Variants in HM13 observed in about 807,000 individuals in gnomAD.
HM13 encodes histocompatibility minor 13, also known as signal peptide peptidase.
HM13 carries 18 observed loss-of-function variants against 50.0 expected under a neutral mutation model. The observed-to-expected ratio is 0.36, with a 90% CI of 0.25 to 0.53. The LOEUF (loss-of-function observed/expected upper bound fraction) is 0.53, where lower values mean the gene tolerates loss of function less well. Among genes scored for constraint, HM13 ranks in the 20% least tolerant of loss-of-function variants. HM13 has a pLI of 0.90. For synonymous variants in HM13, 197 were observed against 232.6 expected (o/e 0.85, Z 1.39); for missense variants, 393 against 552.4 (o/e 0.71, Z 2.89).
chr20:31,523,060 T>A (rs1236389659), intron 1 of HM13, among the ~76,000 whole-genome samples: 1 of 151,372 alleles, frequency 6.6e-6, no homozygotes, highest in Non-Finnish European at 1.5e-5. Context: ...GGGGCTTTTT[T>A]TTTTTTATGA....
intron 1 of HM13, among the ~76,000 whole-genome samples, chr20:31,517,111 A>G (rs1244758105): frequency 2.6e-5 from 4 of 152,144 alleles, no homozygotes; most frequent in Admixed American, 2.6e-4. Context: ...TTCCCTGGTC[A>G]TGTGAAAAGG....
intron 3 of HM13, among the ~76,000 whole-genome samples, chr20:31,544,088 G>A (rs1204306479): frequency 6.6e-6 from 1 of 152,192 alleles, no homozygotes; most frequent in Non-Finnish European, 1.5e-5. Context: ...AGATGGTATT[G>A]TTAGCCCTGT....
rs893592577 is a variant in HM13 at position 31,538,097 on chromosome 20, C to G, written c.283-82C>G. On this transcript the variant is annotated intron_variant, in intron 2 of 12. Transcript: ENST00000398174. ...GACTCAAGAAGGGTGAGACCAACCT[C>G]CAGAAGAGACGCAGGGACTCTGGTT... 1.7e-5 allele frequency: 26 copies of G among 1,557,824 alleles called. No homozygotes were observed. In the South Asian group the frequency reaches 2.5e-4, roughly 15 times the overall value.
chr20:31,548,192 T>G lies in HM13; in HGVS notation c.455-837T>G, dbSNP rs983983290. 4 of 679,328 alleles carry G rather than the reference T, an allele frequency of 5.9e-6. No homozygotes were observed. The African/African-American group carries it at 7.2e-5, about 12-fold the overall frequency. 42.1% of individuals were successfully genotyped at this position (679,328 alleles called of 1,614,324 possible). ...TAACAGATACTTTATAGAAAACAAA[T>G]CAGGGTGCTCTTACCACAGATGAAA... On this transcript the variant is annotated intron_variant, in intron 4 of 12. Transcript: ENST00000398174.
At chr20:31,525,562 C>G (rs1203950718) in intron 1 of HM13, among the ~76,000 whole-genome samples, 2 of 152,060 alleles carry the variant, frequency 1.3e-5, no homozygotes, top group Non-Finnish European at 2.9e-5. Context: ...TCTGGCATTG[C>G]TAGGACTTTT....
rs541075667 is a variant in HM13 at position 31,550,614 on chromosome 20, A to G, written c.724+493A>G. 37 of 155,044 alleles carry G rather than the reference A, an allele frequency of 2.4e-4. No individual in the cohort carries two copies. The South Asian group carries it at 7.2e-3, about 30-fold the overall frequency. The allele number at this position is 155,044 out of a possible 1,614,324, so 9.6% of individuals were successfully genotyped here. A position where few individuals can be genotyped will look rare whatever the true frequency, so the allele number is the denominator to read the frequency against. The stretch of plus-strand genomic sequence containing the variant: ...AATCTGAAATCCAGAATGTTCCAAG[A>G]CCCAAAAGTTTTTGAGCACTGACAT... On this transcript the variant is annotated intron_variant, in intron 7 of 12. Coordinates refer to ENST00000398174, the MANE Select transcript of HM13 (RefSeq NM_178581.3).
At chr20:31,552,140 T>C (rs1286296823) in intron 7 of HM13, among the ~76,000 whole-genome samples, 4 of 151,952 alleles carry the variant, frequency 2.6e-5, no homozygotes, top group Non-Finnish European at 5.9e-5. Context: ...TATTCCCCAG[T>C]GCCTTGATGG....
Position 31,524,093 on chromosome 20 carries a change from G to A in HM13, c.184-3391G>A, listed in dbSNP as rs1568780223. Among the ~76,000 whole-genome samples, 3 of 152,244 alleles carry A rather than the reference G, an allele frequency of 2.0e-5. No homozygotes were observed. The South Asian group carries it at 6.2e-4, about 32-fold the overall frequency. ...CTTATTTGCTTTAAGACTCCTATGGGGCTGGGTGTGGTGGTTCACGCCTAT... is the reference window on the plus strand; with the variant it reads ...CTTATTTGCTTTAAGACTCCTATGGAGCTGGGTGTGGTGGTTCACGCCTAT... On this transcript the variant is annotated intron_variant, in intron 1 of 12. Transcript: ENST00000398174.
At chr20:31,533,519 C>A (rs1982937639) in intron 2 of HM13, among the ~76,000 whole-genome samples, 1 of 152,112 alleles carries the variant, frequency 6.6e-6, no homozygotes, top group African/African-American at 2.4e-5. Flanking sequence ...AAAACAACAA[C>A]AAAAAAACTT....
chr20:31,566,339 G>A, intron 11 of HM13, 44 bp downstream of exon 11: 1 of 1,514,682 alleles, frequency 6.6e-7, no homozygotes, highest in Non-Finnish European at 9.2e-7. Flanking sequence ...GCACCAGTGT[G>A]CCTGCTGGCA....
chr20:31,514,565 T>C lies in HM13; in HGVS notation c.14T>C (p.Leu5Pro). 1.2e-6 allele frequency: 2 copies of C among 1,606,600 alleles called. No individual in the cohort carries two copies. Among genetic ancestry groups the C allele is most frequent in the Non-Finnish European group, 1.7e-6 (2 of 1,178,152 alleles). The change falls in exon 1 of 13, where the codon CTC becomes CCC. Residue 5 changes from leucine (L) to proline (P), a missense_variant. By Grantham distance (98) the Leu-to-Pro change is moderately conservative. Coordinates refer to ENST00000398174, the MANE Select transcript of HM13 (RefSeq NM_178581.3). The surrounding 1 kb of genome is among the most constrained non-coding windows in gnomAD (Gnocchi z 4.3). ...CGCACCCTCGCCATGGACTCGGCCC[T>C]CAGCGATCCGCATAACGGCAGTGCC... Reference protein sequence around the residue: MDSALSDPHNGSAEA... With the variant: MDSAPSDPHNGSAEA...
At chr20:31,558,982 G>C (rs192328112) in intron 8 of HM13, among the ~76,000 whole-genome samples, 1 of 152,062 alleles carries the variant, frequency 6.6e-6, no homozygotes, top group African/African-American at 2.4e-5. Flanking sequence ...GCAGTGGCGC[G>C]ATCTTGGCTC....
chr20:31,549,023 G>T lies in HM13; in HGVS notation c.455-6G>T. ...GGGAGTGGACTTACCTGGCCTCTCT[G>T]CTCAGAGATCATCAATTATGAATTT... On this transcript the variant is annotated splice_polypyrimidine_tract_variant and splice_region_variant and intron_variant, in intron 4 of 12. Transcript: ENST00000398174. The T allele has an allele frequency of 6.2e-7, 1 of 1,614,062 alleles. No individual in the cohort carries two copies. The highest frequency in any genetic ancestry group is 1.1e-5 in the South Asian group (1 of 91,082).
rs1217578316 is a variant in HM13, at chr20:31,527,602, T to C, written c.282+20T>C. Reference sequence around the variant, plus strand: ...TTCAAAGTAAGTCTTTTGCCACCTGTTGTGTCATTTGATCTAAATGACTTT... The same window carrying C: ...TTCAAAGTAAGTCTTTTGCCACCTGCTGTGTCATTTGATCTAAATGACTTT... On this transcript the variant is annotated intron_variant, in intron 2 of 12. Coordinates refer to ENST00000398174, the MANE Select transcript of HM13 (RefSeq NM_178581.3). 6.0e-6 allele frequency: 9 copies of C among 1,501,284 alleles called. No homozygotes were observed. The highest frequency in any genetic ancestry group is 8.3e-6 in the Non-Finnish European group (9 of 1,079,094). 93.0% of individuals were successfully genotyped at this position (1,501,284 alleles called of 1,614,324 possible).
chr20:31,554,420 C>T (rs1228852822), intron 7 of HM13, among the ~76,000 whole-genome samples: 2 of 151,728 alleles, frequency 1.3e-5, no homozygotes, highest in South Asian at 2.1e-4. Context: ...CGGTGGCTCA[C>T]GCCTGTAACT....
intron 10 of HM13, chr20:31,563,906 A>G (rs373110762): frequency 6.6e-6 from 1 of 151,802 alleles, no homozygotes; most frequent in African/African-American, 2.4e-5. Flanking sequence ...GAGAAACCCC[A>G]TCTCTACTAA....
intron 8 of HM13, among the ~76,000 whole-genome samples, chr20:31,557,726 T>TC (rs1568797615): frequency 1.3e-5 from 2 of 150,142 alleles, no homozygotes. Flanking sequence ...TTTTTTTTTT[T>TC]TGAGATGGAG....
chr20:31,524,838 C>T (rs1982393678), intron 1 of HM13, among the ~76,000 whole-genome samples: 2 of 151,498 alleles, frequency 1.3e-5, no homozygotes, highest in African/African-American at 2.4e-5. Flanking sequence ...CTCAGCCTCC[C>T]GAGTAGCTGG....
At chr20:31,561,843 C>G in intron 10 of HM13, 107 bp downstream of exon 10, 1 of 771,512 alleles carries the variant, frequency 1.3e-6, no homozygotes, top group African/African-American at 1.7e-5. Flanking sequence ...GCACTCCCCA[C>G]TGGTGTTGGA....
Sources: allele counts gnomAD v4.1 joint callset (sites outside exome capture counted in the v4.1 genomes callset), GRCh38; gene constraint gnomAD v4.1.1; non-coding constraint Gnocchi (gnomAD v3.1); transcripts MANE v1.5; gene names NCBI Gene and HGNC (gene_info 2026-07-23, HGNC 2026-07-21).